The following ELF2 variants were observed in gnomAD, a reference collection of about 807,000 sequenced individuals.
The protein encoded by ELF2 is E74 like ETS transcription factor 2, also known as ETS-related transcription factor Elf-2.
In ELF2, 11 loss-of-function variants were observed where a neutral mutation model predicts 54.8. The observed-to-expected ratio is 0.20, with a 90% confidence interval of 0.13 to 0.33. The LOEUF (loss-of-function observed/expected upper bound fraction) is 0.33. ELF2 is among the 10% of genes least tolerant of loss of function. The pLI, the probability that ELF2 is intolerant of heterozygous loss-of-function variation, is 1.00. For missense variants in ELF2, 513 were observed against 703.0 expected (o/e 0.73, Z 3.06); for synonymous variants, 203 against 245.1 (o/e 0.83, Z 1.61).
intron 1 of ELF2, among the ~76,000 whole-genome samples, chr4:139,172,708 T>C (rs1742429700): frequency 6.6e-6 from 1 of 152,194 alleles, no homozygotes; most frequent in Non-Finnish European, 1.5e-5. Context: ...AAATTGTGAA[T>C]AGCATATTGT....
At position 139,115,135 on chromosome 4, in the gene ELF2, G is replaced by A. The variant is rs540015524; in HGVS notation, c.238+10029C>T. On this transcript the variant is annotated intron_variant, in intron 4 of 9. Transcript: ENST00000686138. The stretch of plus-strand genomic sequence containing the variant: ...CTCTTCCTGGCAGTCGTAGAGGCGC[G>A]TGAGCTGCTCCAGGATCCACTCCTC... 318 of 1,613,534 alleles carry A rather than the reference G, an allele frequency of 2.0e-4. 2 individuals are homozygous for A. The highest frequency in any genetic ancestry group is 2.5e-4 in the Non-Finnish European group (298 of 1,179,820).
At chr4:139,079,195 G>C (rs1031298588) in intron 4 of ELF2, among the ~76,000 whole-genome samples, 1 of 152,084 alleles carries the variant, frequency 6.6e-6, no homozygotes, top group East Asian at 1.9e-4. Flanking sequence ...CTCCCAAAGT[G>C]CTGGGATTAC....
At chr4:139,091,410 A>G (rs1388994232) in intron 4 of ELF2, among the ~76,000 whole-genome samples, 1 of 152,262 alleles carries the variant, frequency 6.6e-6, no homozygotes, top group African/African-American at 2.4e-5. Context: ...TTTGATTCAC[A>G]GATGGAAAAA....
chr4:139,094,217 G>A (rs1213496935), intron 4 of ELF2, among the ~76,000 whole-genome samples: 3 of 151,970 alleles, frequency 2.0e-5, no homozygotes, highest in African/African-American at 4.8e-5. Context: ...CTTAAGAAAC[G>A]AAAAAGAAAT....
chr4:139,158,570 C>T (rs772687297), intron 1 of ELF2, among the ~76,000 whole-genome samples: 2 of 151,196 alleles, frequency 1.3e-5, no homozygotes, highest in East Asian at 1.9e-4. Context: ...TGGTAAGGGG[C>T]GATATTGTGG....
intron 4 of ELF2, among the ~76,000 whole-genome samples, chr4:139,098,928 A>G (rs1272667521): frequency 6.6e-6 from 1 of 152,100 alleles, no homozygotes; most frequent in Non-Finnish European, 1.5e-5. Flanking sequence ...ACTTACTTCT[A>G]CTATCTTGAT....
intron 3 of ELF2, 61 bp downstream of exon 3, chr4:139,137,569 A>G: frequency 6.5e-7 from 1 of 1,527,238 alleles, no homozygotes; most frequent in Non-Finnish European, 9.1e-7. Context: ...TTAATTTCAA[A>G]ATTAGTTCAT....
intron 4 of ELF2, among the ~76,000 whole-genome samples, chr4:139,097,402 G>A (rs1167137879): frequency 6.6e-6 from 1 of 152,148 alleles, no homozygotes. Flanking sequence ...GATCACTTGA[G>A]GTCAGGAGTT....
chr4:139,093,659 G>C (rs867828782), intron 4 of ELF2, among the ~76,000 whole-genome samples: 1 of 152,006 alleles, frequency 6.6e-6, no homozygotes, highest in Non-Finnish European at 1.5e-5. Flanking sequence ...GAGTAAAAGA[G>C]AAAAATGACT....
chr4:139,133,974 T>C (rs1560850138), intron 3 of ELF2, among the ~76,000 whole-genome samples: 2 of 152,216 alleles, frequency 1.3e-5, no homozygotes, highest in East Asian at 1.9e-4. Flanking sequence ...TTCTCAAACG[T>C]GTGAGTCTTT....
At chr4:139,162,040 G>A (rs1741225631) in intron 1 of ELF2, among the ~76,000 whole-genome samples, 1 of 152,140 alleles carries the variant, frequency 6.6e-6, no homozygotes. Context: ...GTTGCAGTGA[G>A]CTGAGATTGC....
intron 1 of ELF2, among the ~76,000 whole-genome samples, chr4:139,167,874 A>G (rs1276181010): frequency 6.6e-6 from 1 of 152,176 alleles, no homozygotes; most frequent in East Asian, 1.9e-4. Flanking sequence ...GGTTTTCCCA[A>G]GATAATTGAA....
chr4:139,158,845 C>CT (rs568740019), intron 1 of ELF2, among the ~76,000 whole-genome samples: 2 of 151,858 alleles, frequency 1.3e-5, no homozygotes, highest in East Asian at 1.9e-4. Flanking sequence ...TGACAGAGTC[C>CT]TTTTTTTTAA....
chr4:139,058,747 T>C lies in ELF2; in HGVS notation c.*236A>G. 2.1e-6 allele frequency: 1 copy of C among 480,114 alleles called. No homozygotes were observed. The highest frequency in any genetic ancestry group is 3.5e-5 in the South Asian group (1 of 28,482). The allele number at this position is 480,114 out of a possible 1,614,324, so 29.7% of individuals were successfully genotyped here. A position where few individuals can be genotyped will look rare whatever the true frequency, so the allele number is the denominator to read the frequency against. On this transcript the variant is annotated 3_prime_UTR_variant, in exon 10 of 10. Coordinates refer to ENST00000686138, the MANE Select transcript of ELF2 (RefSeq NM_001331036.3). ...GGTCCCTTTCGATCCTTTTTCTTATTGATGGGTTCAGTTGTTTCCTACTGT... is the reference window on the plus strand; with the variant it reads ...GGTCCCTTTCGATCCTTTTTCTTATCGATGGGTTCAGTTGTTTCCTACTGT...
At chr4:139,091,424 A>G (rs1191904056) in intron 4 of ELF2, among the ~76,000 whole-genome samples, 1 of 152,270 alleles carries the variant, frequency 6.6e-6, no homozygotes, top group African/African-American at 2.4e-5. Flanking sequence ...GGAAAAAGCA[A>G]CATAGCAAAC....
chr4:139,136,220 G>C (rs1193380908), intron 3 of ELF2, among the ~76,000 whole-genome samples: 1 of 152,148 alleles, frequency 6.6e-6, no homozygotes, highest in Admixed American at 6.5e-5. Context: ...AGACATTGAC[G>C]ATGGGAAGAA....
chr4:139,116,581 G>T (rs1735745219), intron 4 of ELF2: 1 of 757,712 alleles, frequency 1.3e-6, no homozygotes, highest in Non-Finnish European at 1.6e-6. Context: ...ATATGGTAAA[G>T]GTAGATGAAA....
intron 5 of ELF2, 113 bp downstream of exon 5, chr4:139,073,341 A>G (rs186341083): frequency 1.7e-6 from 1 of 573,906 alleles, no homozygotes; most frequent in East Asian, 3.1e-5. Context: ...TTCATGTGTA[A>G]TGTACCTTTG....
At chr4:139,123,039 C>T (rs1049062461) in intron 4 of ELF2, among the ~76,000 whole-genome samples, 2 of 151,662 alleles carry the variant, frequency 1.3e-5, no homozygotes, top group Non-Finnish European at 2.9e-5. Flanking sequence ...CAAAAATTAG[C>T]TGGGCGTGGT....
Sources: gnomAD v4.1 joint callset for allele counts (sites outside exome capture counted in the v4.1 genomes callset) on GRCh38, gnomAD v4.1.1 for gene constraint, MANE v1.5 for transcripts, NCBI Gene and HGNC (gene_info 2026-07-23, HGNC 2026-07-21) for gene names.